The following ZFP42 variants were observed in gnomAD, a reference collection of about 807,000 sequenced individuals.
ZFP42 encodes the protein zinc finger protein 42 homolog.
For synonymous variants in ZFP42, 175 were observed against 144.6 expected, an observed-to-expected ratio of 1.21 and a Z score of -1.51; for missense variants, 438 against 377.1, an observed-to-expected ratio of 1.16 and a Z score of -1.34.
At chr4:187,997,225 A>ATTTTTTTTTTTTT (rs1484017532) in intron 1 of ZFP42, among the ~76,000 whole-genome samples, 7 of 36,496 alleles carry the variant, frequency 1.9e-4, no homozygotes, top group South Asian at 1.5e-3. Flanking sequence ...CCCCTCTCAT[A>ATTTTTTTTTTTTT]TTCTTTTTTT....
intron 1 of ZFP42, among the ~76,000 whole-genome samples, 164 bp downstream of exon 1, chr4:187,996,004 C>A (rs1355534504): frequency 6.6e-6 from 1 of 152,196 alleles, no homozygotes; most frequent in Admixed American, 6.5e-5. Flanking sequence ...TTGTAGCCCT[C>A]GCCCTGCGGT....
chr4:187,998,868 G>A (rs1347633609), intron 1 of ZFP42, among the ~76,000 whole-genome samples: 1 of 152,092 alleles, frequency 6.6e-6, no homozygotes, highest in Non-Finnish European at 1.5e-5. Flanking sequence ...AGTTATTTCT[G>A]CTAACAGAAA....
At chr4:188,000,487 A>G (rs111675415) in intron 3 of ZFP42, among the ~76,000 whole-genome samples, 7,154 of 152,092 alleles carry the variant, frequency 0.047, 597 homozygotes, top group African/African-American at 0.16. Context: ...CCCAGGCTCA[A>G]GTGATCTCCT....
intron 3 of ZFP42, among the ~76,000 whole-genome samples, chr4:188,002,251 T>TA (rs1337954802): frequency 6.6e-6 from 1 of 152,224 alleles, no homozygotes; most frequent in Non-Finnish European, 1.5e-5. Context: ...AACTGCCACT[T>TA]ACCACCCTAG....
At chr4:188,002,022 G>C (rs922113113) in intron 3 of ZFP42, among the ~76,000 whole-genome samples, 4 of 151,948 alleles carry the variant, frequency 2.6e-5, no homozygotes, top group Non-Finnish European at 4.4e-5. Flanking sequence ...ACTAAAACTA[G>C]AAAAAGTAGC....
chr4:187,999,031 C>T (rs1279212743), intron 1 of ZFP42, 77 bp from the exon 2 acceptor site: 2 of 152,152 alleles, frequency 1.3e-5, no homozygotes, highest in Non-Finnish European at 2.9e-5. Flanking sequence ...AAGGTAAGGA[C>T]CATACTTGAA....
intron 3 of ZFP42, among the ~76,000 whole-genome samples, chr4:188,000,041 A>T: frequency 6.6e-6 from 1 of 152,234 alleles, no homozygotes; most frequent in African/African-American, 2.4e-5. Flanking sequence ...AGTATTTTTT[A>T]TCCAAAGTGC....
intron 1 of ZFP42, among the ~76,000 whole-genome samples, chr4:187,996,622 G>C (rs367935607): frequency 6.6e-6 from 1 of 152,076 alleles, no homozygotes; most frequent in South Asian, 2.1e-4. Context: ...ACTCATTCTT[G>C]ATTCCTGTTT....
chr4:187,996,230 C>T (rs1733555177), intron 1 of ZFP42, among the ~76,000 whole-genome samples: 1 of 152,336 alleles, frequency 6.6e-6, no homozygotes, highest in South Asian at 2.1e-4. Flanking sequence ...TCTTCCCTTT[C>T]TTTTCCTCTC....
At chr4:187,997,200 C>A (rs1337200454) in intron 1 of ZFP42, among the ~76,000 whole-genome samples, 1 of 144,168 alleles carries the variant, frequency 6.9e-6, no homozygotes, top group Admixed American at 7.0e-5. Context: ...ATGAAGGTGG[C>A]GTCCTCGGTT....
intron 3 of ZFP42, among the ~76,000 whole-genome samples, chr4:188,001,884 A>G (rs1733836518): frequency 6.6e-6 from 1 of 152,216 alleles, no homozygotes; most frequent in Non-Finnish European, 1.5e-5. Context: ...AGTATTACAT[A>G]AGAAAACAAT....
At chr4:188,000,666 A>G (rs1375463525) in intron 3 of ZFP42, among the ~76,000 whole-genome samples, 2 of 152,018 alleles carry the variant, frequency 1.3e-5, no homozygotes, top group Non-Finnish European at 2.9e-5. Context: ...GAGCCACTGC[A>G]CCCAGCCCTA....
chr4:187,996,623 A>T (rs1025535095), intron 1 of ZFP42, among the ~76,000 whole-genome samples: 1 of 151,938 alleles, frequency 6.6e-6, no homozygotes, highest in African/African-American at 2.4e-5. Context: ...CTCATTCTTG[A>T]TTCCTGTTTC....
chr4:188,001,809 A>G (rs1560914216), intron 3 of ZFP42, among the ~76,000 whole-genome samples: 1 of 152,242 alleles, frequency 6.6e-6, no homozygotes, highest in Non-Finnish European at 1.5e-5. Context: ...AGCGGCCAGC[A>G]TTTGCTGTGC....
At chr4:187,999,924 C>A (rs1733746363) in intron 3 of ZFP42, among the ~76,000 whole-genome samples, 1 of 152,132 alleles carries the variant, frequency 6.6e-6, no homozygotes, top group African/African-American at 2.4e-5. Flanking sequence ...TGATGCTTTA[C>A]TGGAGAAAGT....
chr4:187,998,196 C>T (rs995729389), intron 1 of ZFP42, among the ~76,000 whole-genome samples: 1 of 152,026 alleles, frequency 6.6e-6, no homozygotes, highest in Non-Finnish European at 1.5e-5. Flanking sequence ...ATTAGCTGGG[C>T]GTGGTGACAC....
At chr4:187,996,296 T>C (rs1172892330) in intron 1 of ZFP42, among the ~76,000 whole-genome samples, 3 of 151,638 alleles carry the variant, frequency 2.0e-5, no homozygotes, top group African/African-American at 7.3e-5. Flanking sequence ...GCAAAAAACC[T>C]AGGAGACTCT....
At chr4:187,996,576 C>G (rs1371221462) in intron 1 of ZFP42, among the ~76,000 whole-genome samples, 6 of 152,184 alleles carry the variant, frequency 3.9e-5, no homozygotes, top group Non-Finnish European at 5.9e-5. Flanking sequence ...TCCCAAAGTG[C>G]TGAGATTACA....
chr4:188,000,290 C>T (rs1333181477), intron 3 of ZFP42, among the ~76,000 whole-genome samples: 1 of 152,108 alleles, frequency 6.6e-6, no homozygotes, highest in Non-Finnish European at 1.5e-5. Flanking sequence ...GAGAGCAGCT[C>T]TGTGTTTAAT....
Sources: allele counts gnomAD v4.1 joint callset (sites outside exome capture counted in the v4.1 genomes callset), GRCh38; gene constraint gnomAD v4.1.1; transcripts MANE v1.5; gene names NCBI Gene and HGNC (gene_info 2026-07-23, HGNC 2026-07-21).